Variants in STK3 observed in about 807,000 individuals in gnomAD.
The protein encoded by STK3 is serine/threonine kinase 3.
Under a neutral mutation model 58.0 loss-of-function variants are expected in STK3, and 41 were observed. The observed-to-expected ratio is 0.71, with a 90% confidence interval of 0.55 to 0.92. STK3 has a LOEUF of 0.92. Ranked by LOEUF, STK3 falls within the 40% of genes least tolerant of loss-of-function variation. The probability of loss-of-function intolerance (pLI) is 0.00; values close to 1 mark genes in which losing one functional copy is unlikely to be tolerated. For missense variants in STK3, 479 were observed against 602.7 expected (o/e 0.79, Z 2.15); for synonymous variants, 170 against 191.0 (o/e 0.89, Z 0.91).
chr8:98,517,082 C>T (rs1188022191), intron 10 of STK3, among the ~76,000 whole-genome samples: 4 of 151,998 alleles, frequency 2.6e-5, no homozygotes, highest in African/African-American at 9.7e-5. Context: ...CTGTTGAGAA[C>T]CATGTAAATG....
chr8:98,701,667 TACAC>T (rs35481305), intron 6 of STK3, among the ~76,000 whole-genome samples: 2 of 150,846 alleles, frequency 1.3e-5, no homozygotes, highest in East Asian at 1.9e-4. Context: ...CACATATATA[TACAC>T]ACACACACTC....
intron 6 of STK3, among the ~76,000 whole-genome samples, chr8:98,649,578 A>C (rs1272383816): frequency 6.6e-6 from 1 of 152,164 alleles, no homozygotes; most frequent in African/African-American, 2.4e-5. Context: ...TTGAGCTCAA[A>C]TTTTCACATT....
At chr8:98,826,947 C>T (rs1211108471), upstream of STK3, among the ~76,000 whole-genome samples, 1 of 135,530 alleles carries the variant, frequency 7.4e-6, no homozygotes, top group Non-Finnish European at 1.5e-5. Flanking sequence ...CACTTGAACC[C>T]GGGAGGCAGA....
At chr8:98,717,276 G>A (rs932817724) in intron 4 of STK3, among the ~76,000 whole-genome samples, 9 of 150,998 alleles carry the variant, frequency 6.0e-5, no homozygotes, top group East Asian at 1.9e-4. Flanking sequence ...TAAAAATTAC[G>A]TATCTGATAA....
intron 3 of STK3, among the ~76,000 whole-genome samples, chr8:98,755,977 T>C (rs1830263492): frequency 6.6e-6 from 1 of 151,786 alleles, no homozygotes; most frequent in Non-Finnish European, 1.5e-5. Flanking sequence ...CTGTCTCTAC[T>C]AAAAATACAA....
intron 6 of STK3, among the ~76,000 whole-genome samples, chr8:98,639,213 G>C (rs542268787): frequency 1.3e-4 from 19 of 150,764 alleles, no homozygotes; most frequent in Non-Finnish European, 2.5e-4. Flanking sequence ...GGGCTCAACC[G>C]ATCCTCTCAC....
intron 6 of STK3, among the ~76,000 whole-genome samples, chr8:98,644,314 T>A (rs572431160): frequency 6.6e-6 from 1 of 152,208 alleles, no homozygotes; most frequent in East Asian, 1.9e-4. Flanking sequence ...TATAGACACA[T>A]CTTTTAGCTC....
intron 9 of STK3, among the ~76,000 whole-genome samples, chr8:98,528,405 G>A (rs1411204984): frequency 6.6e-6 from 1 of 151,906 alleles, no homozygotes; most frequent in Non-Finnish European, 1.5e-5. Flanking sequence ...AAAGCCCCAG[G>A]GCTCCAAATA....
At chr8:98,407,376 C>T (rs1424920085) in intron 3 of STK3, among the ~76,000 whole-genome samples, 1 of 152,206 alleles carries the variant, frequency 6.6e-6, no homozygotes, top group Non-Finnish European at 1.5e-5. Flanking sequence ...ACGTCCTTCA[C>T]CAACCTGCGA....
intron 6 of STK3, among the ~76,000 whole-genome samples, chr8:98,637,287 C>G (rs777348799): frequency 2.0e-5 from 3 of 152,018 alleles, no homozygotes; most frequent in Non-Finnish European, 4.4e-5. Flanking sequence ...AAGACCAAAA[C>G]TATGCAATAT....
At chr8:98,513,711 AC>A (rs1338726631) in intron 10 of STK3, among the ~76,000 whole-genome samples, 2 of 152,172 alleles carry the variant, frequency 1.3e-5, no homozygotes, top group African/African-American at 4.8e-5. Context: ...AGTACCTCTC[AC>A]ATTTCCCCTA....
downstream of STK3, among the ~76,000 whole-genome samples, chr8:98,452,833 TCACTGCAACC>T (rs1246719883): frequency 6.7e-5 from 10 of 149,282 alleles, no homozygotes; most frequent in African/African-American, 2.5e-4. Flanking sequence ...TGATCTCAGC[TCACTGCAACC>T]TCCGCCTTCC....
chr8:98,892,083 A>C (rs184517654), intron 1 of STK3, among the ~76,000 whole-genome samples: 50 of 152,292 alleles, frequency 3.3e-4, no homozygotes, highest in African/African-American at 1.2e-3. Context: ...CCCAAAAAAA[A>C]ATCTATGCTA....
intron 6 of STK3, among the ~76,000 whole-genome samples, chr8:98,632,267 A>C (rs928463537): frequency 6.6e-6 from 1 of 152,246 alleles, no homozygotes; most frequent in Non-Finnish European, 1.5e-5. Context: ...AACTACCAAA[A>C]GAATAAAGTA....
intron 6 of STK3, among the ~76,000 whole-genome samples, chr8:98,679,735 T>C (rs947612656): frequency 2.6e-5 from 4 of 152,214 alleles, no homozygotes; most frequent in African/African-American, 9.6e-5. Flanking sequence ...GCTTCTCAGT[T>C]ACAGTAATAG....
chr8:98,633,303 A>C (rs765692202), intron 6 of STK3, among the ~76,000 whole-genome samples: 29 of 152,242 alleles, frequency 1.9e-4, no homozygotes, highest in Non-Finnish European at 3.4e-4. Flanking sequence ...TGCAGAGCCC[A>C]AGGTCTTACA....
At chr8:98,880,168 G>C (rs1207627910), downstream of STK3, 1 of 152,208 alleles carries the variant, frequency 6.6e-6, no homozygotes, top group East Asian at 1.9e-4. Flanking sequence ...TGAGGCAGGA[G>C]AATCGCTTGA....
intron 9 of STK3, among the ~76,000 whole-genome samples, chr8:98,529,294 G>T (rs186231122): frequency 6.6e-6 from 1 of 152,050 alleles, no homozygotes; most frequent in Non-Finnish European, 1.5e-5. Context: ...AAGGGGGGGG[G>T]ACGGAGATTG....
At chr8:98,680,238 G>C (rs896019986) in intron 6 of STK3, among the ~76,000 whole-genome samples, 2 of 152,114 alleles carry the variant, frequency 1.3e-5, no homozygotes, top group African/African-American at 4.8e-5. Context: ...ATTAGATACT[G>C]TGAAAAAATG....
Sources: allele counts gnomAD v4.1 joint callset (sites outside exome capture counted in the v4.1 genomes callset), GRCh38; gene constraint gnomAD v4.1.1; transcripts MANE v1.5; gene names NCBI Gene and HGNC (gene_info 2026-07-23, HGNC 2026-07-21).